SEMA3A: variants seen among roughly 807,000 people sequenced by gnomAD.
SEMA3A encodes the protein semaphorin-3A.
SEMA3A carries 29 observed loss-of-function variants against 97.9 expected under a neutral mutation model. The ratio of observed to expected loss-of-function variants is 0.30; its 90% CI spans 0.22 to 0.40. The LOEUF (loss-of-function observed/expected upper bound fraction) is 0.40. SEMA3A is among the 10% of genes least tolerant of loss of function. SEMA3A has a pLI of 1.00. For synonymous variants in SEMA3A, 321 were observed against 323.7 expected (o/e 0.99, Z 0.09); for missense variants, 763 against 951.3 (o/e 0.80, Z 2.60).
Position 84,311,886 on chromosome 7 carries a change from G to A in SEMA3A, c.-168-4594C>T, listed in dbSNP as rs551245434. On this transcript the variant is annotated intron_variant, in intron 2 of 3. Transcript: ENST00000424555. The stretch of plus-strand genomic sequence containing the variant: ...CAATTGTAATGAAGTGAAAACACAA[G>A]TTTATAAAGTGCTTTCCAATTTTGC... 5.9e-5 allele frequency among the ~76,000 whole-genome samples: 9 copies of A among 151,858 alleles called. No individual in the cohort carries two copies. The South Asian group carries it at 1.0e-3, about 18-fold the overall frequency.
chr7:84,485,811 T>A (rs1806560846), intron 1 of SEMA3A, among the ~76,000 whole-genome samples: 1 of 152,208 alleles, frequency 6.6e-6, no homozygotes, highest in South Asian at 2.1e-4. Flanking sequence ...TACTTTCAAG[T>A]AATAAAGATT....
At chr7:84,221,044 A>G (rs763188837) in intron 3 of SEMA3A, among the ~76,000 whole-genome samples, 2 of 152,178 alleles carry the variant, frequency 1.3e-5, no homozygotes, top group African/African-American at 4.8e-5. Flanking sequence ...AAATCTGTTT[A>G]GTGTAGTCAC....
At chr7:84,307,462 G>A (rs1801189070) in intron 2 of SEMA3A, among the ~76,000 whole-genome samples, 1 of 152,118 alleles carries the variant, frequency 6.6e-6, no homozygotes, top group Non-Finnish European at 1.5e-5. Flanking sequence ...TGGAAGGCAG[G>A]TACTGAATTT....
intron 3 of SEMA3A, among the ~76,000 whole-genome samples, chr7:84,290,043 G>A (rs1387258024): frequency 2.6e-5 from 4 of 152,028 alleles, no homozygotes; most frequent in African/African-American, 7.2e-5. Context: ...TTGATATGTC[G>A]ATAGGCAAAT....
In SEMA3A at chr7:84,086,226, G is replaced by A. The variant is rs574201751; in HGVS notation, c.453+24244C>T. 2.7e-4 allele frequency among the ~76,000 whole-genome samples: 41 copies of A among 151,800 alleles called. 1 individual carries two copies. In the South Asian group the frequency reaches 8.1e-3, roughly 30 times the overall value. ...TCCCTGGTACATGCATTAAACCACA[G>A]CAGCACAAATTGAGAACACAAGAAG... On this transcript the variant is annotated intron_variant, in intron 4 of 16. Transcript: ENST00000265362.
intron 1 of SEMA3A, among the ~76,000 whole-genome samples, chr7:84,446,330 C>A (rs188872552): frequency 2.0e-5 from 3 of 152,110 alleles, no homozygotes; most frequent in African/African-American, 7.2e-5. Context: ...TTCTATGAGG[C>A]CAGTGTTATC....
chr7:84,449,436 G>GA (rs982590248), intron 1 of SEMA3A, among the ~76,000 whole-genome samples: 1 of 151,448 alleles, frequency 6.6e-6, no homozygotes, highest in Non-Finnish European at 1.5e-5. Flanking sequence ...TAACCAAGAA[G>GA]AAAAAAACAA....
At chr7:84,452,352 G>C (rs181866414) in intron 1 of SEMA3A, among the ~76,000 whole-genome samples, 54 of 152,196 alleles carry the variant, frequency 3.5e-4, no homozygotes, top group African/African-American at 1.3e-3. Flanking sequence ...CTTCCTTTAT[G>C]AACAACAGCA....
chr7:84,133,571 G>A (rs1191220948), intron 2 of SEMA3A, among the ~76,000 whole-genome samples: 1 of 152,184 alleles, frequency 6.6e-6, no homozygotes, highest in East Asian at 1.9e-4. Context: ...AGACAGGGAT[G>A]TATTCCAAAA....
At chr7:84,271,248 C>T (rs770083074) in intron 3 of SEMA3A, among the ~76,000 whole-genome samples, 3 of 151,926 alleles carry the variant, frequency 2.0e-5, no homozygotes, top group Non-Finnish European at 2.9e-5. Flanking sequence ...AGTGAAGATG[C>T]GCAGTCATAG....
In SEMA3A at chr7:84,319,814, A is replaced by C. The variant is rs377626085; in HGVS notation, c.-168-12522T>G. Among the ~76,000 whole-genome samples the C allele has an allele frequency of 5.3e-5, 8 of 152,334 alleles. No individual in the cohort carries two copies. In the East Asian group the frequency reaches 1.5e-3, roughly 29 times the overall value. On this transcript the variant is annotated intron_variant, in intron 2 of 3. Coordinates refer to the SEMA3A transcript ENST00000424555. ...ATCCTCTTATTTAACGATTTAAATG[A>C]AAAGCACATGTATTGCTAAATCACA...
chr7:84,392,140 G>A (rs958953142), intron 1 of SEMA3A, among the ~76,000 whole-genome samples: 1 of 152,068 alleles, frequency 6.6e-6, no homozygotes, highest in Non-Finnish European at 1.5e-5. Context: ...ATATTGAAAT[G>A]TACAATATTA....
At position 84,001,069 on chromosome 7, in the gene SEMA3A, GTTT is replaced by G. The variant is rs34816248; in HGVS notation, c.1452+883_1452+885del. 8.4e-3 allele frequency among the ~76,000 whole-genome samples: 1,244 copies of G among 147,920 alleles called. 20 individuals carry two copies. The highest frequency in any genetic ancestry group is 0.028 in the African/African-American group (1,136 of 40,492). On this transcript the variant is annotated intron_variant, in intron 12 of 16. Coordinates refer to ENST00000265362, the MANE Select transcript of SEMA3A (RefSeq NM_006080.3). ...TGTCTACCAACTTCTTCTAATACGT[GTTT>G]TTTTTTTTTGCAGTTATAAATATCT... is the stretch of plus-strand genomic sequence containing the variant.
chr7:84,204,310 G>T (rs746299660), intron 3 of SEMA3A, among the ~76,000 whole-genome samples: 1 of 152,138 alleles, frequency 6.6e-6, no homozygotes, highest in Non-Finnish European at 1.5e-5. Flanking sequence ...TAATATAAAT[G>T]TCAGTTTATT....
intron 1 of SEMA3A, among the ~76,000 whole-genome samples, chr7:84,447,772 C>G (rs1347589816): frequency 6.6e-6 from 1 of 152,226 alleles, no homozygotes; most frequent in East Asian, 1.9e-4. Flanking sequence ...AACGGCTCCC[C>G]CAACGCCTGC....
At chr7:84,211,177 T>A (rs1002122548) in intron 3 of SEMA3A, among the ~76,000 whole-genome samples, 1 of 152,178 alleles carries the variant, frequency 6.6e-6, no homozygotes. Context: ...AATGGAATGG[T>A]CTATACCAGA....
chr7:84,107,537 T>C (rs949518478), intron 4 of SEMA3A, among the ~76,000 whole-genome samples: 12 of 152,210 alleles, frequency 7.9e-5, no homozygotes, highest in African/African-American at 2.7e-4. Context: ...TCTCAAAGGC[T>C]GTGAGTTTCA....
intron 4 of SEMA3A, among the ~76,000 whole-genome samples, chr7:84,071,197 T>C (rs1211667434): frequency 6.6e-6 from 1 of 152,128 alleles, no homozygotes; most frequent in Non-Finnish European, 1.5e-5. Context: ...TTTCAAGATG[T>C]CAATAGTCAC....
intron 12 of SEMA3A, among the ~76,000 whole-genome samples, chr7:83,986,866 A>G (rs10268354): frequency 0.39 from 58,908 of 151,512 alleles, 11,925 homozygotes; most frequent in Middle Eastern, 0.49. Flanking sequence ...TGGGGTGGTG[A>G]TAAGACTGAA....
Sources: gnomAD v4.1 joint callset for allele counts (sites outside exome capture counted in the v4.1 genomes callset) on GRCh38, gnomAD v4.1.1 for gene constraint, MANE v1.5 for transcripts, NCBI Gene and HGNC (gene_info 2026-07-23, HGNC 2026-07-21) for gene names.